The following PDE3B variants were observed in gnomAD, a reference collection of about 807,000 sequenced individuals.
PDE3B encodes the protein phosphodiesterase 3B.
A neutral mutation model predicts 116.8 loss-of-function variants in PDE3B; 66 were observed. The observed-to-expected ratio is 0.56, with a 90% confidence interval of 0.46 to 0.69. The LOEUF (loss-of-function observed/expected upper bound fraction) is 0.69, where lower values mean the gene tolerates loss of function less well. Among genes scored for constraint, PDE3B ranks in the 30% least tolerant of loss-of-function variants. PDE3B has a pLI of 0.00. For missense variants in PDE3B, 1,384 were observed against 1,368.1 expected (o/e 1.01, Z -0.18); for synonymous variants, 595 against 533.6 (o/e 1.12, Z -1.59).
At position 14,643,935 on chromosome 11, in the gene PDE3B, G is replaced by C; in HGVS notation, c.-141G>C. The C allele has an allele frequency of 7.9e-7, 1 of 1,258,142 alleles. No individual in the cohort carries two copies. Among genetic ancestry groups the C allele is most frequent in the Non-Finnish European group, 1.0e-6 (1 of 976,644 alleles). 77.9% of individuals were successfully genotyped at this position (1,258,142 alleles called of 1,614,324 possible). On this transcript the variant is annotated 5_prime_UTR_variant, in exon 1 of 16. Transcript: ENST00000282096. ...CCTCAGTCCGCGCGGTGGGGACCCC[G>C]GGCCGTGGCGGCCGGCGCAGCCCTG... is the stretch of plus-strand genomic sequence containing the variant.
At chr11:14,672,743 G>A (rs1246781644) in intron 1 of PDE3B, among the ~76,000 whole-genome samples, 2 of 152,002 alleles carry the variant, frequency 1.3e-5, no homozygotes, top group Non-Finnish European at 2.9e-5. Context: ...TGGGGAAGGG[G>A]AAAGAGAGAG....
chr11:14,752,321 A>G (rs542466709), intron 1 of PDE3B, among the ~76,000 whole-genome samples: 1 of 152,156 alleles, frequency 6.6e-6, no homozygotes, highest in African/African-American at 2.4e-5. Context: ...GGGACAATCT[A>G]GGAGTTAAAG....
At chr11:14,716,445 G>C (rs986953391) in intron 1 of PDE3B, among the ~76,000 whole-genome samples, 2 of 151,486 alleles carry the variant, frequency 1.3e-5, no homozygotes, top group African/African-American at 4.8e-5. Context: ...GCCTGCCTCT[G>C]TAGGCTCCAC....
At chr11:14,706,790 G>C (rs996457073) in intron 1 of PDE3B, among the ~76,000 whole-genome samples, 2 of 151,902 alleles carry the variant, frequency 1.3e-5, no homozygotes, top group Admixed American at 1.3e-4. Flanking sequence ...CATTTTTAGA[G>C]TTTTTGACCA....
intron 1 of PDE3B, among the ~76,000 whole-genome samples, chr11:14,686,107 T>C (rs1302367764): frequency 6.6e-6 from 1 of 152,226 alleles, no homozygotes; most frequent in Admixed American, 6.5e-5. Context: ...AATTCTAAGT[T>C]TTTACCTAAC....
At chr11:14,845,117 G>C (rs893125385) in intron 12 of PDE3B, among the ~76,000 whole-genome samples, 2 of 151,914 alleles carry the variant, frequency 1.3e-5, no homozygotes, top group Non-Finnish European at 2.9e-5. Context: ...ACCTCACACG[G>C]CTGGGTACTC....
At chr11:14,698,119 T>G (rs1258368203) in intron 1 of PDE3B, among the ~76,000 whole-genome samples, 1 of 151,932 alleles carries the variant, frequency 6.6e-6, no homozygotes, top group Non-Finnish European at 1.5e-5. Context: ...TAGATTGGTA[T>G]TAGTGGTAGG....
chr11:14,736,382 C>T (rs192639545), intron 1 of PDE3B, among the ~76,000 whole-genome samples: 109 of 152,258 alleles, frequency 7.2e-4, no homozygotes, highest in African/African-American at 2.4e-3. Context: ...AGCCCTGGTG[C>T]GTGGGGCACA....
chr11:14,792,818 C>T (rs1858431891), intron 4 of PDE3B, among the ~76,000 whole-genome samples: 2 of 152,238 alleles, frequency 1.3e-5, no homozygotes, highest in African/African-American at 4.8e-5. Flanking sequence ...TTCTGTATAT[C>T]CTTAGTTGGG....
At chr11:14,658,908 A>G (rs1331001725) in intron 1 of PDE3B, among the ~76,000 whole-genome samples, 1 of 152,182 alleles carries the variant, frequency 6.6e-6, no homozygotes, top group Non-Finnish European at 1.5e-5. Context: ...TGCTTGGCAT[A>G]TATCAAATAG....
At chr11:14,886,011 G>A in the PDE3B span, 2 of 1,262,386 alleles carry the variant, frequency 1.6e-6, no homozygotes, top group Non-Finnish European at 2.3e-6. Flanking sequence ...GGCTCTTCCA[G>A]GATTTGTTAC....
intron 2 of PDE3B, among the ~76,000 whole-genome samples, chr11:14,784,259 A>G (rs1858126101): frequency 1.3e-5 from 2 of 152,222 alleles, no homozygotes; most frequent in African/African-American, 4.8e-5. Context: ...AGGAAGAAAG[A>G]ACAATGAAAC....
chr11:14,856,649 T>C (rs558345613), intron 12 of PDE3B, among the ~76,000 whole-genome samples: 38 of 152,106 alleles, frequency 2.5e-4, no homozygotes, highest in African/African-American at 8.4e-4. Context: ...GGTCAGGAGA[T>C]AGAGACTATC....
chr11:14,765,337 C>T (rs1036805563), intron 1 of PDE3B, among the ~76,000 whole-genome samples: 14 of 151,876 alleles, frequency 9.2e-5, no homozygotes, highest in African/African-American at 2.2e-4. Flanking sequence ...GCCTCATTGA[C>T]GTAATTGAAC....
chr11:14,719,015 A>G (rs1856013860), intron 1 of PDE3B, among the ~76,000 whole-genome samples: 1 of 117,880 alleles, frequency 8.5e-6, no homozygotes, highest in Non-Finnish European at 1.7e-5. Flanking sequence ...CAAAATTGAT[A>G]GACTGCTAGC....
Position 14,830,771 on chromosome 11 carries a change from G to T in PDE3B, c.1881G>T (p.Lys627Asn). 1 of 1,543,660 alleles carries T rather than the reference G, an allele frequency of 6.5e-7. No individual in the cohort carries two copies. Among genetic ancestry groups the T allele is most frequent in the Non-Finnish European group, 8.7e-7 (1 of 1,150,274 alleles). ...METQQEEETE[K>N]KDSRKLFQEG... is the part of the protein sequence containing the mutation. ...CTCAACAAGAAGAGGAAACAGAGAA[G>T]AAAGACAGCAGAAAATTATTTCAGG... is the stretch of plus-strand genomic sequence containing the variant. The change falls in exon 8 of 16, where the codon AAG becomes AAT. Residue 627 changes from lysine (K) to asparagine (N), a missense_variant. Around this residue, in one of 2 missense-constraint regions of PDE3B, gnomAD observed 956 missense variants for 806.8 expected, o/e 1.18. Coordinates refer to ENST00000282096, the MANE Select transcript of PDE3B (RefSeq NM_000922.4).
At chr11:14,809,681 G>C (rs1171290800) in intron 5 of PDE3B, among the ~76,000 whole-genome samples, 2 of 152,278 alleles carry the variant, frequency 1.3e-5, no homozygotes, top group African/African-American at 4.8e-5. Context: ...GAGCCTTTGT[G>C]AATGAGATTA....
chr11:14,760,017 A>G (rs916330293), intron 1 of PDE3B, among the ~76,000 whole-genome samples: 5 of 152,180 alleles, frequency 3.3e-5, no homozygotes, highest in African/African-American at 7.2e-5. Flanking sequence ...CATAATAGAG[A>G]TTCTCAACCT....
At chr11:14,721,273 A>C (rs1332352141) in intron 1 of PDE3B, among the ~76,000 whole-genome samples, 33 of 151,970 alleles carry the variant, frequency 2.2e-4, no homozygotes, top group African/African-American at 7.2e-4. Context: ...GTCAGGAAAC[A>C]GCAGGTGCTG....
Sources: allele counts gnomAD v4.1 joint callset (sites outside exome capture counted in the v4.1 genomes callset), GRCh38; gene constraint gnomAD v4.1.1; regional missense constraint gnomAD v4.1.1; transcripts MANE v1.5; gene names NCBI Gene and HGNC (gene_info 2026-07-23, HGNC 2026-07-21).